The following HDAC4 variants were observed in gnomAD, a reference collection of about 807,000 sequenced individuals.
HDAC4 encodes the protein histone deacetylase 4.
Under a neutral mutation model 135.1 loss-of-function variants are expected in HDAC4, and 16 were observed. The observed-to-expected ratio is 0.12, with a 90% confidence interval of 0.08 to 0.18. The LOEUF is 0.18. Ranked by LOEUF, HDAC4 falls within the 10% of genes least tolerant of loss-of-function variation. HDAC4 has a pLI of 1.00. For missense variants in HDAC4, 1,143 were observed against 1,511.8 expected, an observed-to-expected ratio of 0.76 and a Z score of 4.05; for synonymous variants, 685 against 653.4, an observed-to-expected ratio of 1.05 and a Z score of -0.74.
rs2031082848 is a variant in HDAC4 at position 239,052,867 on chromosome 2, G to A, written c.*230C>T. 3.4e-6 allele frequency: 2 copies of A among 582,380 alleles called. No homozygotes were observed. Among genetic ancestry groups the A allele is most frequent in the Non-Finnish European group, 6.2e-6 (2 of 324,298 alleles). 36.1% of individuals were successfully genotyped at this position (582,380 alleles called of 1,614,324 possible). On this transcript the variant is annotated 3_prime_UTR_variant, in exon 27 of 27. Transcript: ENST00000543185. ...CGTGTCCGTGTGTCTGCGCGTCGCC[G>A]GCGTCTGTCCCGTGTTCCCTGTGAG...
chr2:239,227,610 G>C (rs953152068), intron 3 of HDAC4, among the ~76,000 whole-genome samples: 8 of 152,324 alleles, frequency 5.3e-5, no homozygotes, highest in Middle Eastern at 3.4e-3. Context: ...TGCAGACAGA[G>C]AGAAGGGAAG....
In HDAC4 at chr2:239,305,127, C is replaced by A. The variant is rs552378127; in HGVS notation, c.22+47551G>T. 1.4e-4 allele frequency among the ~76,000 whole-genome samples: 21 copies of A among 152,286 alleles called. No homozygotes were observed. The South Asian group carries it at 4.4e-3, about 32-fold the overall frequency. The stretch of plus-strand genomic sequence containing the variant: ...ATGGGCACACACAGGAGGCTCACCA[C>A]GTTTCTTCAAATGCAGATGACAAAG... On this transcript the variant is annotated intron_variant, in intron 2 of 26. Transcript: ENST00000543185.
chr2:239,062,167 T>C (rs1186409587), intron 24 of HDAC4, among the ~76,000 whole-genome samples: 1 of 152,250 alleles, frequency 6.6e-6, no homozygotes, highest in African/African-American at 2.4e-5. Context: ...ACATGGAAAC[T>C]ATTAAATAAA....
At chr2:239,156,229 G>A (rs1475058410) in intron 7 of HDAC4, among the ~76,000 whole-genome samples, 1 of 152,172 alleles carries the variant, frequency 6.6e-6, no homozygotes, top group Non-Finnish European at 1.5e-5. Context: ...TGGGGACCTG[G>A]AAGGCCCTGC....
At chr2:239,293,636 G>A (rs1477134740) in intron 2 of HDAC4, among the ~76,000 whole-genome samples, 1 of 152,180 alleles carries the variant, frequency 6.6e-6, no homozygotes, top group Non-Finnish European at 1.5e-5. Context: ...AACGCACAGG[G>A]CACCTCCAGG....
chr2:239,336,548 G>A (rs771244725), intron 2 of HDAC4, among the ~76,000 whole-genome samples: 27 of 152,138 alleles, frequency 1.8e-4, no homozygotes, highest in Non-Finnish European at 3.7e-4. Context: ...AACTGTAAAA[G>A]CTAGGTGCTA....
intron 1 of HDAC4, among the ~76,000 whole-genome samples, chr2:239,355,150 T>C (rs1204606752): frequency 6.6e-6 from 1 of 152,138 alleles, no homozygotes; most frequent in East Asian, 1.9e-4. Context: ...TAAGTAAGAG[T>C]CTTTTATTTT....
At chr2:239,237,981 A>G (rs1305669626) in intron 2 of HDAC4, among the ~76,000 whole-genome samples, 1 of 152,226 alleles carries the variant, frequency 6.6e-6, no homozygotes, top group Non-Finnish European at 1.5e-5. Flanking sequence ...GTCAGGAGAA[A>G]GACCGGCAGG....
chr2:239,144,176 C>T (rs951752621), intron 8 of HDAC4, among the ~76,000 whole-genome samples: 6 of 152,194 alleles, frequency 3.9e-5, no homozygotes, highest in Non-Finnish European at 5.9e-5. Flanking sequence ...GTTAAAATGC[C>T]CCGGTGGTTC....
intron 4 of HDAC4, among the ~76,000 whole-genome samples, chr2:239,187,776 G>A (rs892154003): frequency 3.3e-5 from 5 of 152,178 alleles, no homozygotes; most frequent in African/African-American, 4.8e-5. Context: ...CCCTAAACTC[G>A]AGTGTGCTTG....
chr2:239,330,089 C>T (rs1364634552), intron 2 of HDAC4, among the ~76,000 whole-genome samples: 2 of 152,218 alleles, frequency 1.3e-5, no homozygotes, highest in Admixed American at 1.3e-4. Context: ...ACTGAGATGA[C>T]GGGGCAGAAT....
chr2:239,301,975 A>C (rs569193078), intron 2 of HDAC4, among the ~76,000 whole-genome samples: 1 of 152,292 alleles, frequency 6.6e-6, no homozygotes, highest in Admixed American at 6.5e-5. Context: ...AACAAACAAA[A>C]AAACACAACA....
At chr2:239,188,212 G>T (rs2044680681) in intron 4 of HDAC4, among the ~76,000 whole-genome samples, 1 of 152,194 alleles carries the variant, frequency 6.6e-6, no homozygotes, top group Admixed American at 6.5e-5. Flanking sequence ...CTGTCCCTGA[G>T]CCTGTCCTCC....
intron 1 of HDAC4, among the ~76,000 whole-genome samples, chr2:239,372,321 T>G (rs1410049675): frequency 6.6e-6 from 1 of 152,204 alleles, no homozygotes; most frequent in Non-Finnish European, 1.5e-5. Flanking sequence ...GCCCTCCTCC[T>G]TACTCCTGCC....
chr2:239,054,527 G>A (rs141856856), intron 25 of HDAC4, among the ~76,000 whole-genome samples: 2 of 152,284 alleles, frequency 1.3e-5, no homozygotes, highest in Non-Finnish European at 2.9e-5. Flanking sequence ...TTGGGCTGAT[G>A]GAACCATCCC....
At chr2:239,112,995 C>T (rs1481260996) in intron 13 of HDAC4, among the ~76,000 whole-genome samples, 8 of 152,132 alleles carry the variant, frequency 5.3e-5, no homozygotes, top group East Asian at 1.9e-4. Context: ...GAGGCTGAGG[C>T]GGGTGGATCA....
intron 2 of HDAC4, among the ~76,000 whole-genome samples, chr2:239,248,045 C>G (rs148785584): frequency 6.6e-6 from 1 of 152,194 alleles, no homozygotes; most frequent in African/African-American, 2.4e-5. Context: ...CCATAACACT[C>G]GGTGATGTTC....
intron 1 of HDAC4, among the ~76,000 whole-genome samples, chr2:239,386,695 G>A (rs569838986): frequency 1.3e-4 from 20 of 152,328 alleles, no homozygotes; most frequent in African/African-American, 3.8e-4. Context: ...CATAAACAAC[G>A]TAGTCACGAC....
chr2:239,166,683 C>A (rs2043140967), intron 5 of HDAC4, among the ~76,000 whole-genome samples: 2 of 152,230 alleles, frequency 1.3e-5, no homozygotes, highest in African/African-American at 2.4e-5. Context: ...CAGCAACAGG[C>A]TGCTAACTTT....
Sources: gnomAD v4.1 joint callset for allele counts (sites outside exome capture counted in the v4.1 genomes callset) on GRCh38, gnomAD v4.1.1 for gene constraint, MANE v1.5 for transcripts, NCBI Gene and HGNC (gene_info 2026-07-23, HGNC 2026-07-21) for gene names.